FAM13C: variants seen among roughly 807,000 people sequenced by gnomAD.
FAM13C encodes family with sequence similarity 13 member C, also known as protein FAM13C.
Under a neutral mutation model 73.2 loss-of-function variants are expected in FAM13C, and 37 were observed. The ratio of observed to expected loss-of-function variants is 0.51; its 90% CI spans 0.39 to 0.67. The LOEUF (loss-of-function observed/expected upper bound fraction) is 0.67, where lower values mean the gene tolerates loss of function less well. Ranked by LOEUF, FAM13C falls within the 30% of genes least tolerant of loss-of-function variation. The probability of loss-of-function intolerance (pLI) is 0.00; values close to 1 mark genes in which losing one functional copy is unlikely to be tolerated. For missense variants in FAM13C, 589 were observed against 715.6 expected (o/e 0.82, Z 2.02); for synonymous variants, 246 against 260.9 (o/e 0.94, Z 0.55).
At chr10:59,347,775 G>C (rs537839837) in intron 3 of FAM13C, among the ~76,000 whole-genome samples, 33 of 151,780 alleles carry the variant, frequency 2.2e-4, no homozygotes, top group Middle Eastern at 3.2e-3. Flanking sequence ...AGAACATGCA[G>C]TGTTTGGTTT....
At chr10:59,284,593 C>T (rs959744144) in intron 5 of FAM13C, among the ~76,000 whole-genome samples, 7 of 151,172 alleles carry the variant, frequency 4.6e-5, no homozygotes, top group Non-Finnish European at 7.4e-5. Flanking sequence ...TCCACACACA[C>T]ACACGTATGT....
chr10:59,307,187 A>T (rs1263138655), intron 4 of FAM13C, among the ~76,000 whole-genome samples: 1 of 152,148 alleles, frequency 6.6e-6, no homozygotes, highest in Admixed American at 6.5e-5. Flanking sequence ...ATGTCTGGCC[A>T]GGGTTCACCC....
chr10:59,336,596 C>T (rs2134141454), intron 3 of FAM13C, among the ~76,000 whole-genome samples: 1 of 152,280 alleles, frequency 6.6e-6, no homozygotes, highest in South Asian at 2.1e-4. Context: ...GAAAGGGAGG[C>T]TGGAAAAACA....
intron 3 of FAM13C, among the ~76,000 whole-genome samples, chr10:59,337,740 T>C (rs1248191494): frequency 6.9e-6 from 1 of 144,000 alleles, no homozygotes; most frequent in African/African-American, 2.6e-5. Context: ...AGTGCAATGG[T>C]ATGATCTCTG....
chr10:59,295,287 T>G (rs1394951069), intron 5 of FAM13C, among the ~76,000 whole-genome samples: 1 of 152,224 alleles, frequency 6.6e-6, no homozygotes, highest in Non-Finnish European at 1.5e-5. Context: ...CCTGGACCAA[T>G]CGGGGAGGCC....
intron 3 of FAM13C, among the ~76,000 whole-genome samples, chr10:59,342,248 G>C (rs570051198): frequency 1.3e-5 from 2 of 152,130 alleles, no homozygotes; most frequent in African/African-American, 4.8e-5. Context: ...GCTTTTTCCA[G>C]GATGTTTCAT....
intron 1 of FAM13C, chr10:59,360,891 A>G (rs1306030357): frequency 2.4e-6 from 1 of 409,598 alleles, no homozygotes; most frequent in Non-Finnish European, 4.4e-6. Flanking sequence ...TCCACGTGAA[A>G]TCTGGAGCTA....
At chr10:59,362,782 A>C, upstream of FAM13C, 1 of 411,762 alleles carries the variant, frequency 2.4e-6, no homozygotes, top group Non-Finnish European at 4.3e-6. Context: ...CGCCGCGTTT[A>C]ATCTTGGGCT....
intron 3 of FAM13C, among the ~76,000 whole-genome samples, chr10:59,339,606 C>T (rs1040466049): frequency 4.6e-5 from 7 of 152,120 alleles, no homozygotes; most frequent in Non-Finnish European, 1.0e-4. Flanking sequence ...TCTTTACTCC[C>T]CTCAACTTAC....
At chr10:59,290,965 A>G (rs1183238724) in intron 5 of FAM13C, among the ~76,000 whole-genome samples, 1 of 152,162 alleles carries the variant, frequency 6.6e-6, no homozygotes, top group Non-Finnish European at 1.5e-5. Flanking sequence ...TTTATAAAAG[A>G]CGTGCACTCC....
intron 13 of FAM13C, among the ~76,000 whole-genome samples, chr10:59,250,329 A>G (rs1157295297): frequency 6.6e-6 from 1 of 152,240 alleles, no homozygotes; most frequent in Non-Finnish European, 1.5e-5. Context: ...AAGGAAAAAA[A>G]TAACAAATGC....
chr10:59,340,673 A>G (rs1230373339), intron 3 of FAM13C, among the ~76,000 whole-genome samples: 1 of 152,054 alleles, frequency 6.6e-6, no homozygotes, highest in Admixed American at 6.6e-5. Context: ...TGCTTCACAT[A>G]AAGTAGAAAA....
chr10:59,301,884 G>A (rs892167054), intron 5 of FAM13C, among the ~76,000 whole-genome samples: 5 of 152,090 alleles, frequency 3.3e-5, no homozygotes, highest in African/African-American at 4.8e-5. Flanking sequence ...TTTACCTTTA[G>A]CTATTTATTT....
chr10:59,307,237 G>A (rs886690937), intron 4 of FAM13C, among the ~76,000 whole-genome samples: 2 of 152,040 alleles, frequency 1.3e-5, no homozygotes, highest in Admixed American at 6.6e-5. Flanking sequence ...AGAGAAGGGG[G>A]GTGAGATAAT....
In FAM13C at chr10:59,331,850, T is replaced by C. The variant is rs566334410; in HGVS notation, c.325-7744A>G. 1.1e-4 allele frequency among the ~76,000 whole-genome samples: 17 copies of C among 152,246 alleles called. No individual in the cohort carries two copies. The South Asian group carries it at 3.5e-3, about 32-fold the overall frequency. ...GAAGGACAGATGGTGATGCCAAATC[T>C]CTAAGTGGGAAAATGTGGTGAAAGC... is the stretch of plus-strand genomic sequence containing the variant. On this transcript the variant is annotated intron_variant, in intron 3 of 13. Coordinates refer to ENST00000618804, the MANE Select transcript of FAM13C (RefSeq NM_198215.4).
chr10:59,257,361 T>A (rs748503786), intron 10 of FAM13C, among the ~76,000 whole-genome samples: 15 of 152,186 alleles, frequency 9.9e-5, no homozygotes, highest in Admixed American at 2.0e-4. Context: ...TGGGTCCTGG[T>A]CAGAAAGTTG....
At chr10:59,299,816 CAG>C (rs1268984605) in intron 5 of FAM13C, among the ~76,000 whole-genome samples, 2 of 151,980 alleles carry the variant, frequency 1.3e-5, no homozygotes, top group Admixed American at 6.6e-5. Flanking sequence ...CTTACCGAGA[CAG>C]AGTCATACAG....
At chr10:59,294,261 A>G (rs1846631487) in intron 5 of FAM13C, among the ~76,000 whole-genome samples, 1 of 152,254 alleles carries the variant, frequency 6.6e-6, no homozygotes, top group South Asian at 2.1e-4. Context: ...GTAGGAAATT[A>G]GTAGTATGAA....
At chr10:59,345,730 A>G (rs1183391051) in intron 3 of FAM13C, among the ~76,000 whole-genome samples, 2 of 152,148 alleles carry the variant, frequency 1.3e-5, no homozygotes, top group African/African-American at 2.4e-5. Context: ...TCACCATTTT[A>G]TCTTGGAAGA....
Sources: gnomAD v4.1 joint callset for allele counts (sites outside exome capture counted in the v4.1 genomes callset) on GRCh38, gnomAD v4.1.1 for gene constraint, MANE v1.5 for transcripts, NCBI Gene and HGNC (gene_info 2026-07-23, HGNC 2026-07-21) for gene names.